CNTNAP2: variants seen among roughly 807,000 people sequenced by gnomAD.
CNTNAP2 encodes the protein contactin associated protein 2.
CNTNAP2 carries 98 observed loss-of-function variants against 155.2 expected under a neutral mutation model. The ratio of observed to expected loss-of-function variants is 0.63; its 90% CI spans 0.54 to 0.75. CNTNAP2 has a LOEUF of 0.75. Among genes scored for constraint, CNTNAP2 ranks in the 30% least tolerant of loss-of-function variants. The pLI, the probability that CNTNAP2 is intolerant of heterozygous loss-of-function variation, is 0.00. For synonymous variants in CNTNAP2, 651 were observed against 631.2 expected, an observed-to-expected ratio of 1.03 and a Z score of -0.47; for missense variants, 1,727 against 1,688.1, an observed-to-expected ratio of 1.02 and a Z score of -0.40.
At chr7:148,299,585 C>T (rs1797346184) in intron 21 of CNTNAP2, among the ~76,000 whole-genome samples, 1 of 152,194 alleles carries the variant, frequency 6.6e-6, no homozygotes, top group Non-Finnish European at 1.5e-5. Context: ...GTAGTGATCG[C>T]TGCTGTGTGA....
intron 17 of CNTNAP2, among the ~76,000 whole-genome samples, chr7:148,169,172 CA>C (rs1455441214): frequency 6.6e-6 from 1 of 151,964 alleles, no homozygotes; most frequent in African/African-American, 2.4e-5. Flanking sequence ...CACAAAGAAA[CA>C]AAAAATAAGA....
intron 8 of CNTNAP2, among the ~76,000 whole-genome samples, chr7:147,183,826 A>G (rs903957650): frequency 6.6e-6 from 1 of 152,176 alleles, no homozygotes; most frequent in African/African-American, 2.4e-5. Flanking sequence ...TCTGCCTGCT[A>G]AAATTGTTGC....
chr7:146,976,666 G>C (rs912702489), intron 3 of CNTNAP2, among the ~76,000 whole-genome samples: 2 of 152,150 alleles, frequency 1.3e-5, no homozygotes, highest in Non-Finnish European at 2.9e-5. Context: ...GTGTTCAGCT[G>C]TCCAGAAGCT....
At chr7:146,932,683 A>C (rs891464249) in intron 3 of CNTNAP2, among the ~76,000 whole-genome samples, 2 of 152,198 alleles carry the variant, frequency 1.3e-5, no homozygotes, top group Non-Finnish European at 2.9e-5. Context: ...TATATCTGGA[A>C]AACCCCATTG....
chr7:148,265,781 C>T (rs1320776459), intron 20 of CNTNAP2, among the ~76,000 whole-genome samples: 2 of 152,130 alleles, frequency 1.3e-5, no homozygotes, highest in African/African-American at 4.8e-5. Context: ...GACTCTTAAC[C>T]GTGACTGTGC....
intron 8 of CNTNAP2, among the ~76,000 whole-genome samples, chr7:147,155,575 T>C (rs979370899): frequency 3.3e-5 from 5 of 152,096 alleles, no homozygotes; most frequent in African/African-American, 1.2e-4. Flanking sequence ...CAATTAAAGA[T>C]TTAATGCCCA....
intron 2 of CNTNAP2, among the ~76,000 whole-genome samples, chr7:146,777,711 G>A (rs1424632662): frequency 6.6e-6 from 1 of 152,088 alleles, no homozygotes; most frequent in East Asian, 1.9e-4. Context: ...TTACAGGAGA[G>A]TGCCCACCAT....
At chr7:146,165,004 T>C (rs1054870096) in intron 1 of CNTNAP2, among the ~76,000 whole-genome samples, 1 of 152,170 alleles carries the variant, frequency 6.6e-6, no homozygotes, top group Non-Finnish European at 1.5e-5. Context: ...TTTGTCTCTT[T>C]GTATATATTT....
intron 5 of CNTNAP2, among the ~76,000 whole-genome samples, chr7:147,116,435 A>T (rs1800990760): frequency 1.3e-5 from 2 of 152,204 alleles, no homozygotes; most frequent in Admixed American, 6.5e-5. Context: ...AGAAGCCTGA[A>T]TGTCCAAGTT....
chr7:147,944,588 C>CTAGCAAAG, intron 14 of CNTNAP2, among the ~76,000 whole-genome samples: 1 of 152,146 alleles, frequency 6.6e-6, no homozygotes, highest in East Asian at 1.9e-4. Context: ...TCTGTTTCGC[C>CTAGCAAAG]AGTATTTTTA....
intron 15 of CNTNAP2, among the ~76,000 whole-genome samples, chr7:148,001,204 A>G (rs1457435573): frequency 6.6e-6 from 1 of 152,192 alleles, no homozygotes; most frequent in East Asian, 1.9e-4. Flanking sequence ...ACCTGCTACA[A>G]TGGCCAAGAA....
intron 3 of CNTNAP2, among the ~76,000 whole-genome samples, chr7:146,848,967 G>T (rs1232520067): frequency 2.0e-5 from 3 of 152,070 alleles, no homozygotes; most frequent in Admixed American, 2.0e-4. Context: ...GAGACGTAGA[G>T]ACGGGGTTTC....
intron 1 of CNTNAP2, among the ~76,000 whole-genome samples, chr7:146,317,880 G>A (rs905849413): frequency 6.6e-5 from 10 of 152,290 alleles, no homozygotes; most frequent in Non-Finnish European, 1.0e-4. Context: ...GGCGGCTCAC[G>A]CCTGTAATCC....
chr7:147,469,479 G>A (rs1798174985), intron 10 of CNTNAP2, among the ~76,000 whole-genome samples: 4 of 149,274 alleles, frequency 2.7e-5, no homozygotes, highest in Admixed American at 2.0e-4. Flanking sequence ...GAAACGGCAG[G>A]GCAGAGCACC....
chr7:147,224,804 A>G (rs569264341), intron 8 of CNTNAP2, among the ~76,000 whole-genome samples: 17 of 152,298 alleles, frequency 1.1e-4, no homozygotes, highest in South Asian at 4.1e-4. Flanking sequence ...ACACACATAA[A>G]CACACATATA....
intron 14 of CNTNAP2, among the ~76,000 whole-genome samples, chr7:147,967,810 T>C (rs762932615): frequency 2.0e-5 from 3 of 152,198 alleles, no homozygotes; most frequent in Non-Finnish European, 2.9e-5. Flanking sequence ...CCTTTGCAAA[T>C]CTAAGTCTTG....
chr7:147,272,674 T>TTTTTA (rs1554461439), intron 8 of CNTNAP2, among the ~76,000 whole-genome samples: 10 of 149,850 alleles, frequency 6.7e-5, no homozygotes, highest in Non-Finnish European at 1.0e-4. Context: ...ATTTTTTTTT[T>TTTTTA]TTTTTTGTAT....
chr7:146,824,601 C>A (rs1023151723), intron 2 of CNTNAP2, among the ~76,000 whole-genome samples: 1 of 152,118 alleles, frequency 6.6e-6, no homozygotes, highest in Non-Finnish European at 1.5e-5. Flanking sequence ...GAGATGAGAT[C>A]TCACTGTGGT....
At chr7:146,735,317 CCGAGA>C (rs1319311854) in intron 1 of CNTNAP2, among the ~76,000 whole-genome samples, 1 of 152,122 alleles carries the variant, frequency 6.6e-6, no homozygotes, top group Non-Finnish European at 1.5e-5. Flanking sequence ...CTTTGGGAGG[CCGAGA>C]CGGGCAGATG....
Sources: allele counts gnomAD v4.1 joint callset (sites outside exome capture counted in the v4.1 genomes callset), GRCh38; gene constraint gnomAD v4.1.1; transcripts MANE v1.5; gene names NCBI Gene and HGNC (gene_info 2026-07-23, HGNC 2026-07-21).